Variants in PRKCH observed in about 807,000 individuals in gnomAD.
PRKCH encodes protein kinase C eta, also known as protein kinase C eta type.
A neutral mutation model predicts 82.5 loss-of-function variants in PRKCH; 28 were observed. That is an observed-to-expected ratio of 0.34 (90% CI 0.25 to 0.47). The LOEUF is 0.47. Among genes scored for constraint, PRKCH ranks in the 20% least tolerant of loss-of-function variants. The pLI is 1.00. For missense variants in PRKCH, 705 were observed against 881.8 expected (o/e 0.80, Z 2.54); for synonymous variants, 322 against 327.4 (o/e 0.98, Z 0.18).
chr14:61,436,508 T>C (rs1385638067), intron 2 of PRKCH, among the ~76,000 whole-genome samples: 1 of 152,180 alleles, frequency 6.6e-6, no homozygotes, highest in Non-Finnish European at 1.5e-5. Flanking sequence ...GCTAGTGCCA[T>C]TGAGGGGGCT....
In PRKCH at chr14:61,287,019, A is replaced by G. The variant is rs75076544; in HGVS notation, c.-19+99351A>G. 7.4e-3 allele frequency among the ~76,000 whole-genome samples: 1,118 copies of G among 152,016 alleles called. 42 individuals carry two copies. The East Asian group carries it at 0.11, about 14-fold the overall frequency. On this transcript the variant is annotated intron_variant, in intron 1 of 3. Coordinates refer to the PRKCH transcript ENST00000555185. ...TCAAGAGTTAGAGACCAGCCTGGCC[A>G]ATATGGCGAAACCCCGTCACTACTA... is the stretch of plus-strand genomic sequence containing the variant.
At chr14:61,300,476 G>A (rs563707072) in intron 1 of PRKCH, among the ~76,000 whole-genome samples, 1 of 152,146 alleles carries the variant, frequency 6.6e-6, no homozygotes, top group Non-Finnish European at 1.5e-5. Flanking sequence ...ATCACAATGT[G>A]GGGTAGAGGA....
intron 10 of PRKCH, among the ~76,000 whole-genome samples, chr14:61,488,695 T>A (rs1354915016): frequency 6.6e-6 from 1 of 152,224 alleles, no homozygotes; most frequent in East Asian, 1.9e-4. Flanking sequence ...CTCAGAGGCT[T>A]TGAGTTGGGC....
chr14:61,412,758 T>C (rs898494892), intron 2 of PRKCH, among the ~76,000 whole-genome samples: 14 of 152,322 alleles, frequency 9.2e-5, no homozygotes, highest in Admixed American at 7.2e-4. Context: ...GAAAGCCCCT[T>C]CCCACTTTTT....
At chr14:61,438,232 C>T (rs986997296) in intron 2 of PRKCH, among the ~76,000 whole-genome samples, 4 of 152,230 alleles carry the variant, frequency 2.6e-5, no homozygotes, top group African/African-American at 4.8e-5. Context: ...TCTTGTCTGT[C>T]GTCATATAGA....
chr14:61,468,794 T>A (rs1377298167), intron 9 of PRKCH, among the ~76,000 whole-genome samples: 1 of 152,164 alleles, frequency 6.6e-6, no homozygotes, highest in Non-Finnish European at 1.5e-5. Flanking sequence ...TAAGATAGTA[T>A]AATTTAAATC....
At chr14:61,368,594 G>A (rs1039201876) in intron 1 of PRKCH, among the ~76,000 whole-genome samples, 1 of 152,098 alleles carries the variant, frequency 6.6e-6, no homozygotes, top group Non-Finnish European at 1.5e-5. Context: ...TGATCCTCCT[G>A]TAGATATTTC....
intron 1 of PRKCH, among the ~76,000 whole-genome samples, chr14:61,364,045 A>G (rs1327598573): frequency 6.8e-6 from 1 of 147,360 alleles, no homozygotes; most frequent in Non-Finnish European, 1.5e-5. Flanking sequence ...TAATATATAT[A>G]TATATATTTG....
chr14:61,227,131 AC>A (rs2044702868), intron 1 of PRKCH, among the ~76,000 whole-genome samples: 2 of 152,362 alleles, frequency 1.3e-5, no homozygotes, highest in South Asian at 4.1e-4. Flanking sequence ...AGAACCTAGA[AC>A]AAAAGAATCT....
intron 1 of PRKCH, among the ~76,000 whole-genome samples, chr14:61,331,086 TG>T (rs1260394461): frequency 6.6e-6 from 1 of 152,194 alleles, no homozygotes; most frequent in East Asian, 1.9e-4. Flanking sequence ...CCCTAACTCA[TG>T]AGAAGTGTAA....
At chr14:61,392,123 A>T (rs893863012) in intron 2 of PRKCH, among the ~76,000 whole-genome samples, 3 of 152,050 alleles carry the variant, frequency 2.0e-5, no homozygotes, top group Admixed American at 2.0e-4. Context: ...GTATCCCATT[A>T]TATAAATGTA....
intron 1 of PRKCH, among the ~76,000 whole-genome samples, chr14:61,249,522 C>A (rs373120975): frequency 0.011 from 1,357 of 120,170 alleles, no homozygotes; most frequent in African/African-American, 0.013. Context: ...CGAAGCTTTC[C>A]AAAAAAAAAA....
chr14:61,395,720 C>G (rs920794708), intron 2 of PRKCH, among the ~76,000 whole-genome samples: 5 of 152,098 alleles, frequency 3.3e-5, no homozygotes, highest in African/African-American at 1.2e-4. Context: ...CAAGGAGATC[C>G]CAGTCATTTC....
chr14:61,504,496 G>C (rs556772987), intron 10 of PRKCH, among the ~76,000 whole-genome samples: 1 of 152,272 alleles, frequency 6.6e-6, no homozygotes, highest in East Asian at 1.9e-4. Flanking sequence ...AGCCGTCTGA[G>C]GCCCATTTTG....
chr14:61,318,530 A>G (rs1277441433), upstream of PRKCH, among the ~76,000 whole-genome samples: 1 of 151,852 alleles, frequency 6.6e-6, no homozygotes, highest in Non-Finnish European at 1.5e-5. Context: ...ACTCCCTAAT[A>G]GCTCCCTAGT....
intron 1 of PRKCH, among the ~76,000 whole-genome samples, chr14:61,276,094 C>T (rs887378053): frequency 1.3e-5 from 2 of 152,246 alleles, no homozygotes; most frequent in South Asian, 4.1e-4. Context: ...AAATTCCTGA[C>T]GAACTGCTGC....
chr14:61,210,620 G>C (rs2044567286), intron 1 of PRKCH, among the ~76,000 whole-genome samples: 1 of 152,138 alleles, frequency 6.6e-6, no homozygotes, highest in Non-Finnish European at 1.5e-5. Flanking sequence ...CATTGATTTA[G>C]ACCCAGCCCT....
intron 1 of PRKCH, among the ~76,000 whole-genome samples, chr14:61,384,865 T>C (rs142938237): frequency 5.3e-5 from 8 of 152,226 alleles, no homozygotes; most frequent in African/African-American, 1.9e-4. Context: ...GTTGTGTTTA[T>C]GTTTTCTTCT....
At chr14:61,392,874 A>T (rs2046706900) in intron 2 of PRKCH, among the ~76,000 whole-genome samples, 2 of 149,050 alleles carry the variant, frequency 1.3e-5, no homozygotes, top group Non-Finnish European at 3.0e-5. Flanking sequence ...AAATAGTTTT[A>T]GGTTTTATGT....
Sources: gnomAD v4.1 joint callset for allele counts (sites outside exome capture counted in the v4.1 genomes callset) on GRCh38, gnomAD v4.1.1 for gene constraint, MANE v1.5 for transcripts, NCBI Gene and HGNC (gene_info 2026-07-23, HGNC 2026-07-21) for gene names.